The following SLC13A1 variants were observed in gnomAD, a reference collection of about 807,000 sequenced individuals.
The protein encoded by SLC13A1 is Na(+)/sulfate cotransporter.
In SLC13A1, 65 loss-of-function variants were observed where a neutral mutation model predicts 70.0. The observed-to-expected ratio is 0.93, with a 90% CI of 0.76 to 1.14. The LOEUF is 1.14. Ranked by LOEUF, SLC13A1 falls within the 50% of genes most tolerant of loss-of-function variation. The probability of loss-of-function intolerance (pLI) is 0.00; values close to 1 mark genes in which losing one functional copy is unlikely to be tolerated. For missense variants in SLC13A1, 726 were observed against 717.8 expected, an observed-to-expected ratio of 1.01 and a Z score of -0.13; for synonymous variants, 275 against 250.5, an observed-to-expected ratio of 1.10 and a Z score of -0.92.
intron 1 of SLC13A1, among the ~76,000 whole-genome samples, chr7:123,194,629 C>T (rs1181037607): frequency 6.6e-6 from 1 of 151,744 alleles, no homozygotes; most frequent in Non-Finnish European, 1.5e-5. Context: ...AAGAGAAAGA[C>T]AGCTTCAAGG....
chr7:123,170,982 A>C (rs985064547), intron 3 of SLC13A1, among the ~76,000 whole-genome samples: 3 of 152,138 alleles, frequency 2.0e-5, no homozygotes, highest in African/African-American at 7.2e-5. Flanking sequence ...TAGCAAAACA[A>C]TTTGCACCAT....
chr7:123,150,475 A>T (rs903537812), intron 6 of SLC13A1, among the ~76,000 whole-genome samples: 2 of 152,172 alleles, frequency 1.3e-5, no homozygotes, highest in African/African-American at 4.8e-5. Context: ...CCATCCTTAC[A>T]GAAGAAAAAC....
At chr7:123,167,853 G>A (rs1795126628) in intron 6 of SLC13A1, among the ~76,000 whole-genome samples, 1 of 152,000 alleles carries the variant, frequency 6.6e-6, no homozygotes, top group Non-Finnish European at 1.5e-5. Context: ...TAACCTGGAA[G>A]AAATGACGAC....
intron 12 of SLC13A1, among the ~76,000 whole-genome samples, chr7:123,121,075 T>TG (rs1186993830): frequency 1.3e-5 from 2 of 152,050 alleles, no homozygotes; most frequent in African/African-American, 4.8e-5. Flanking sequence ...GCCTGTTAGT[T>TG]GACTGTTGAA....
At chr7:123,151,609 C>T (rs755996236) in intron 6 of SLC13A1, among the ~76,000 whole-genome samples, 4 of 151,850 alleles carry the variant, frequency 2.6e-5, no homozygotes, top group African/African-American at 4.8e-5. Flanking sequence ...AATTCATTTA[C>T]GTCTTACAAT....
chr7:123,147,225 G>T lies in SLC13A1; in HGVS notation c.746C>A (p.Thr249Asn). 6.2e-7 allele frequency: 1 copy of T among 1,613,732 alleles called. No individual in the cohort carries two copies. Among genetic ancestry groups the T allele is most frequent in the Non-Finnish European group, 8.5e-7 (1 of 1,179,826 alleles). Reference protein sequence around the residue: ...LTCLCIAYSSTIGGLTTITGT... With the variant: ...LTCLCIAYSSNIGGLTTITGT... ...AGTGATTGTTGTCAGTCCACCAATG[G>T]TAGAAGAGTAGGCAATGCACAAACA... is the stretch of plus-strand genomic sequence containing the variant. Residue 249 changes from threonine to asparagine, a missense_variant, in exon 7 of 15, where the codon ACC (threonine) becomes AAC (asparagine). Coordinates refer to ENST00000194130, the MANE Select transcript of SLC13A1 (RefSeq NM_022444.4).
At chr7:123,191,724 C>T (rs1404524853) in intron 1 of SLC13A1, among the ~76,000 whole-genome samples, 2 of 152,268 alleles carry the variant, frequency 1.3e-5, no homozygotes, top group South Asian at 2.1e-4. Context: ...ATTTAACCCT[C>T]GCCAAGATTC....
At chr7:123,160,012 G>A (rs1794834901) in intron 6 of SLC13A1, among the ~76,000 whole-genome samples, 2 of 151,980 alleles carry the variant, frequency 1.3e-5, no homozygotes, top group African/African-American at 2.4e-5. Context: ...ATAAAAGCTG[G>A]TAGTGTCATG....
intron 6 of SLC13A1, among the ~76,000 whole-genome samples, chr7:123,158,843 A>T (rs1794795407): frequency 6.6e-6 from 1 of 152,126 alleles, no homozygotes; most frequent in Non-Finnish European, 1.5e-5. Context: ...TATAACTATA[A>T]AAACATGTTT....
chr7:123,128,888 G>C lies in SLC13A1; in HGVS notation c.1090C>G (p.Arg364Gly). ...FIIMALLWFS[R>G]DPGFVPGWSA... is the part of the protein sequence containing the mutation. ...CAACCAGGAACAAATCCGGGGTCTCGACTAAACCATAGCAGAGCCATTATA... is the reference window on the plus strand; with the variant it reads ...CAACCAGGAACAAATCCGGGGTCTCCACTAAACCATAGCAGAGCCATTATA... Residue 364 changes from arginine (R) to glycine (G), a missense_variant, in exon 10 of 15, where the codon CGA becomes GGA. Coordinates refer to ENST00000194130, the MANE Select transcript of SLC13A1 (RefSeq NM_022444.4). The C allele has an allele frequency of 1.9e-6, 3 of 1,613,466 alleles. No homozygotes were observed. The highest frequency in any genetic ancestry group is 1.1e-5 in the South Asian group (1 of 91,050).
At chr7:123,169,804 C>A (rs543158858) in intron 3 of SLC13A1, among the ~76,000 whole-genome samples, 1 of 152,212 alleles carries the variant, frequency 6.6e-6, no homozygotes, top group East Asian at 1.9e-4. Flanking sequence ...CAAGGAGGTA[C>A]AAGGACAAAG....
intron 1 of SLC13A1, among the ~76,000 whole-genome samples, chr7:123,188,491 C>T (rs903416837): frequency 6.6e-6 from 1 of 152,096 alleles, no homozygotes; most frequent in East Asian, 1.9e-4. Flanking sequence ...ATGAAAAAAT[C>T]TTCTTATTTA....
chr7:123,185,072 TA>T (rs1412381494), intron 1 of SLC13A1, among the ~76,000 whole-genome samples: 6 of 152,080 alleles, frequency 3.9e-5, no homozygotes, highest in African/African-American at 1.4e-4. Context: ...CTGTTTGCCA[TA>T]TGTATGCCTT....
chr7:123,157,202 G>T (rs1236143515), intron 6 of SLC13A1, among the ~76,000 whole-genome samples: 1 of 152,076 alleles, frequency 6.6e-6, no homozygotes, highest in Non-Finnish European at 1.5e-5. Context: ...CTTACAGCTA[G>T]TATGAACTCT....
intron 6 of SLC13A1, among the ~76,000 whole-genome samples, chr7:123,162,638 A>G (rs1794952603): frequency 6.6e-6 from 1 of 152,002 alleles, no homozygotes; most frequent in Non-Finnish European, 1.5e-5. Context: ...AAGCTAAAAT[A>G]CCTTTTTCAT....
At chr7:123,131,908 T>C (rs1793777237) in intron 8 of SLC13A1, among the ~76,000 whole-genome samples, 1 of 152,240 alleles carries the variant, frequency 6.6e-6, no homozygotes, top group Non-Finnish European at 1.5e-5. Flanking sequence ...ATTTCTCCTT[T>C]TTAAATGGTG....
intron 2 of SLC13A1, among the ~76,000 whole-genome samples, chr7:123,172,525 G>A (rs1397916350): frequency 6.6e-6 from 1 of 152,212 alleles, no homozygotes; most frequent in Non-Finnish European, 1.5e-5. Flanking sequence ...TGGAGGCTGA[G>A]ACAGAAGAAT....
intron 6 of SLC13A1, among the ~76,000 whole-genome samples, chr7:123,165,051 T>C (rs1435860418): frequency 6.6e-6 from 1 of 152,206 alleles, no homozygotes; most frequent in East Asian, 1.9e-4. Flanking sequence ...GAAGTAGATA[T>C]ACATTCTTCC....
At chr7:123,139,505 G>A (rs1794061120) in intron 7 of SLC13A1, among the ~76,000 whole-genome samples, 1 of 151,892 alleles carries the variant, frequency 6.6e-6, no homozygotes, top group South Asian at 2.1e-4. Context: ...ATTGCTTTGA[G>A]TAGTATGAAC....
Sources: allele counts gnomAD v4.1 joint callset (sites outside exome capture counted in the v4.1 genomes callset), GRCh38; gene constraint gnomAD v4.1.1; transcripts MANE v1.5; gene names NCBI Gene and HGNC (gene_info 2026-07-23, HGNC 2026-07-21).